Variants in SUSD5 observed in about 807,000 individuals in gnomAD.
SUSD5 encodes sushi domain containing 5.
A neutral mutation model predicts 29.5 loss-of-function variants in SUSD5; 33 were observed. The ratio of observed to expected loss-of-function variants is 1.12; its 90% CI spans 0.85 to 1.49. The LOEUF (loss-of-function observed/expected upper bound fraction) is 1.49. Ranked by LOEUF, SUSD5 falls within the 40% of genes most tolerant of loss-of-function variation. SUSD5 has a pLI of 0.00. For missense variants in SUSD5, 776 were observed against 800.6 expected (o/e 0.97, Z 0.37); for synonymous variants, 308 against 325.3 (o/e 0.95, Z 0.57).
At chr3:33,215,162 A>T (rs1297515629) in intron 1 of SUSD5, among the ~76,000 whole-genome samples, 3 of 152,118 alleles carry the variant, frequency 2.0e-5, no homozygotes, top group Non-Finnish European at 4.4e-5. Context: ...TAACTACAAA[A>T]AGGTAGTATT....
At chr3:33,158,847 C>T (rs1471081828) in intron 4 of SUSD5, among the ~76,000 whole-genome samples, 2 of 152,148 alleles carry the variant, frequency 1.3e-5, no homozygotes, top group Admixed American at 1.3e-4. Context: ...CATAGGCCAT[C>T]ACTTCATGCA....
At chr3:33,214,341 C>T (rs910476723) in intron 1 of SUSD5, among the ~76,000 whole-genome samples, 4 of 125,960 alleles carry the variant, frequency 3.2e-5, no homozygotes, top group African/African-American at 1.2e-4. Context: ...CAAAATTAAC[C>T]ATCTGCTCTG....
intron 4 of SUSD5, among the ~76,000 whole-genome samples, chr3:33,157,416 A>T (rs999264666): frequency 3.3e-5 from 5 of 152,224 alleles, no homozygotes; most frequent in African/African-American, 1.2e-4. Context: ...TTTCACTACA[A>T]TTTACCCAAA....
At chr3:33,180,385 T>C (rs2031643557) in intron 3 of SUSD5, among the ~76,000 whole-genome samples, 2 of 152,208 alleles carry the variant, frequency 1.3e-5, no homozygotes, top group Non-Finnish European at 1.5e-5. Flanking sequence ...TTTTGAGACA[T>C]GGTCTTGCTC....
chr3:33,175,276 T>C (rs1475028509), intron 3 of SUSD5, among the ~76,000 whole-genome samples: 1 of 152,230 alleles, frequency 6.6e-6, no homozygotes, highest in Non-Finnish European at 1.5e-5. Flanking sequence ...AAATACTTGT[T>C]GCGTGAATAA....
rs1009795657 is a variant in SUSD5, at chr3:33,210,386, C to A, written c.291-2460G>T. 2.0e-5 allele frequency among the ~76,000 whole-genome samples: 3 copies of A among 152,228 alleles called. No homozygotes were observed. The East Asian group carries it at 5.8e-4, about 29-fold the overall frequency. ...ACGGCTCACTGGGTCCCCTCCTACA[C>A]AGAAGGTGAATTCAAATCTCCAACC... On this transcript the variant is annotated intron_variant, in intron 2 of 4. Coordinates refer to ENST00000309558, the MANE Select transcript of SUSD5 (RefSeq NM_015551.2).
chr3:33,176,592 G>A (rs571808801), intron 3 of SUSD5, among the ~76,000 whole-genome samples: 1 of 152,274 alleles, frequency 6.6e-6, no homozygotes, highest in African/African-American at 2.4e-5. Context: ...CAGAACAGAA[G>A]TTTTAAATTT....
At chr3:33,206,818 C>T (rs931766203) in intron 3 of SUSD5, among the ~76,000 whole-genome samples, 1 of 152,150 alleles carries the variant, frequency 6.6e-6, no homozygotes. Context: ...CTGGGCTGTA[C>T]ATTAAAATCA....
intron 2 of SUSD5, among the ~76,000 whole-genome samples, chr3:33,209,253 T>G (rs949261565): frequency 6.6e-6 from 1 of 152,202 alleles, no homozygotes; most frequent in African/African-American, 2.4e-5. Context: ...TACCATGATG[T>G]GCCTAGCTGT....
chr3:33,175,694 T>G (rs1300373044), intron 3 of SUSD5, among the ~76,000 whole-genome samples: 3 of 152,236 alleles, frequency 2.0e-5, no homozygotes, highest in South Asian at 2.1e-4. Context: ...AAAAATTGAT[T>G]ATTTTTTAGG....
chr3:33,210,255 G>C (rs551781459), intron 2 of SUSD5, among the ~76,000 whole-genome samples: 1 of 152,292 alleles, frequency 6.6e-6, no homozygotes, highest in African/African-American at 2.4e-5. Context: ...AGTATTTGAA[G>C]ATGTGCTGCT....
intron 3 of SUSD5, among the ~76,000 whole-genome samples, chr3:33,185,137 T>G (rs1263685415): frequency 6.6e-6 from 1 of 152,176 alleles, no homozygotes; most frequent in Non-Finnish European, 1.5e-5. Context: ...CATCAGTGCT[T>G]CTCATTTTTC....
At chr3:33,170,532 G>T (rs1284506280) in intron 4 of SUSD5, among the ~76,000 whole-genome samples, 1 of 152,214 alleles carries the variant, frequency 6.6e-6, no homozygotes, top group African/African-American at 2.4e-5. Context: ...CTTAAGCCTG[G>T]AATGTTGCTT....
rs147155211 is a variant in SUSD5 at position 33,182,900 on chromosome 3, C to T, written c.410-7826G>A. ...CTCCCAGGTTCATGCCATTCTCCTG[C>T]CTCAGCCTCCTGAGTAGCTGGGACT... On this transcript the variant is annotated intron_variant, in intron 3 of 4. Coordinates refer to ENST00000309558, the MANE Select transcript of SUSD5 (RefSeq NM_015551.2). 3.9e-3 allele frequency among the ~76,000 whole-genome samples: 595 copies of T among 152,198 alleles called. 6 individuals are homozygous for T. The highest frequency in any genetic ancestry group is 0.014 in the African/African-American group (571 of 41,532).
chr3:33,168,129 G>A (rs2031343586), intron 4 of SUSD5, among the ~76,000 whole-genome samples: 1 of 152,232 alleles, frequency 6.6e-6, no homozygotes, highest in African/African-American at 2.4e-5. Flanking sequence ...AGAGTGGGAT[G>A]TGGCTGGGGG....
intron 3 of SUSD5, among the ~76,000 whole-genome samples, chr3:33,175,710 A>G (rs1460224930): frequency 6.6e-6 from 1 of 152,118 alleles, no homozygotes; most frequent in African/African-American, 2.4e-5. Flanking sequence ...TTAGGTTCAC[A>G]TCAAAGTTGA....
chr3:33,152,422 A>G lies in SUSD5; in HGVS notation c.*320T>C. On this transcript the variant is annotated 3_prime_UTR_variant, in exon 5 of 5. Transcript: ENST00000309558. ...GCAACAGCATGAGACTCTGTCTCAA[A>G]AAAAAAAAGATAATACTGTGATGAA... The G allele has an allele frequency of 3.8e-6, 1 of 260,258 alleles. No homozygotes were observed. Among genetic ancestry groups the G allele is most frequent in the Non-Finnish European group, 7.3e-6 (1 of 136,612 alleles). 16.1% of individuals were successfully genotyped at this position (260,258 alleles called of 1,614,324 possible).
Position 33,167,936 on chromosome 3 carries a change from G to A in SUSD5, c.598+6950C>T, listed in dbSNP as rs534121799. Among the ~76,000 whole-genome samples, 24 of 152,334 alleles carry A rather than the reference G, an allele frequency of 1.6e-4. No individual in the cohort carries two copies. The highest frequency in any genetic ancestry group is 5.8e-4 in the African/African-American group (24 of 41,580). Reference sequence around the variant, plus strand: ...AAAACCTGTGCTAACACAACATGGGGCCTTCTGATTTAGACAAACAAGTCT... The same window carrying A: ...AAAACCTGTGCTAACACAACATGGGACCTTCTGATTTAGACAAACAAGTCT... On this transcript the variant is annotated intron_variant, in intron 4 of 4. Coordinates refer to ENST00000309558, the MANE Select transcript of SUSD5 (RefSeq NM_015551.2). The surrounding 1 kb of genome is among the most constrained non-coding windows in gnomAD (Gnocchi z 4.1).
At position 33,196,301 on chromosome 3, in the gene SUSD5, C is replaced by G. The variant is rs369644883; in HGVS notation, c.409+11507G>C. On this transcript the variant is annotated intron_variant, in intron 3 of 4. Coordinates refer to ENST00000309558, the MANE Select transcript of SUSD5 (RefSeq NM_015551.2). ...CTGTATTTGCCCACTACTGACATAG[C>G]AATAATGGTCAGTGATGGAGGCTTG... is the stretch of plus-strand genomic sequence containing the variant. Among the ~76,000 whole-genome samples, 24 of 152,274 alleles carry G rather than the reference C, an allele frequency of 1.6e-4. No individual in the cohort carries two copies. In the South Asian group the frequency reaches 3.3e-3, roughly 21 times the overall value.
Sources: allele counts gnomAD v4.1 joint callset (sites outside exome capture counted in the v4.1 genomes callset), GRCh38; gene constraint gnomAD v4.1.1; non-coding constraint Gnocchi (gnomAD v3.1); transcripts MANE v1.5; gene names NCBI Gene and HGNC (gene_info 2026-07-23, HGNC 2026-07-21).